The following DACH2 variants were observed in gnomAD, a reference collection of about 807,000 sequenced individuals.
DACH2 encodes the protein dachshund homolog 2.
In DACH2, 17 loss-of-function variants were observed where a neutral mutation model predicts 35.8. The ratio of observed to expected loss-of-function variants is 0.48; its 90% CI spans 0.33 to 0.71. The LOEUF is 0.71. Among genes scored for constraint, DACH2 ranks in the 30% least tolerant of loss-of-function variants. The pLI, the probability that DACH2 is intolerant of heterozygous loss-of-function variation, is 0.02. For missense variants in DACH2, 469 were observed against 472.7 expected, an observed-to-expected ratio of 0.99 and a Z score of 0.07; for synonymous variants, 195 against 177.3, an observed-to-expected ratio of 1.10 and a Z score of -0.79.
intron 3 of DACH2, among the ~76,000 whole-genome samples, chrX:86,572,111 G>A (rs1277821918): frequency 3.6e-5 from 4 of 110,997 alleles, no homozygotes; most frequent in Non-Finnish European, 7.5e-5. Flanking sequence ...GGGGAAGGGG[G>A]AGGGATAGCA....
chrX:86,358,258 A>T (rs2035675079), intron 1 of DACH2, among the ~76,000 whole-genome samples: 1 of 111,826 alleles, frequency 8.9e-6, no homozygotes, highest in Non-Finnish European at 1.9e-5. Context: ...GATAGAAAAA[A>T]ATCAGTTTAG....
chrX:86,330,611 C>T (rs2035195474), intron 1 of DACH2, among the ~76,000 whole-genome samples: 1 of 111,442 alleles, frequency 9.0e-6, no homozygotes, highest in Non-Finnish European at 1.9e-5. Context: ...AACAACACCT[C>T]TAAGTAATTT....
chrX:86,462,423 C>T (rs2037590762), intron 2 of DACH2, among the ~76,000 whole-genome samples: 1 of 111,215 alleles, frequency 9.0e-6, no homozygotes, highest in Non-Finnish European at 1.9e-5. Flanking sequence ...ATTTGAAAAT[C>T]TGTAGGTACT....
intron 1 of DACH2, among the ~76,000 whole-genome samples, chrX:86,276,273 C>G (rs2033915014): frequency 8.9e-6 from 1 of 112,116 alleles, no homozygotes; most frequent in African/African-American, 3.2e-5. Context: ...TTGCATTTGT[C>G]TAATGATCAG....
At chrX:86,407,064 T>A (rs1451846696) in intron 2 of DACH2, among the ~76,000 whole-genome samples, 1 of 111,932 alleles carries the variant, frequency 8.9e-6, no homozygotes, top group Non-Finnish European at 1.9e-5. Context: ...CACAGAGACT[T>A]GAACTAACAT....
chrX:86,736,584 C>A (rs1026865089), intron 6 of DACH2, among the ~76,000 whole-genome samples: 1 of 111,067 alleles, frequency 9.0e-6, no homozygotes, highest in South Asian at 3.7e-4. Context: ...TTTATAGGTG[C>A]TCTTATGATT....
At chrX:86,333,156 G>T (rs945460805) in intron 1 of DACH2, among the ~76,000 whole-genome samples, 1 of 111,845 alleles carries the variant, frequency 8.9e-6, no homozygotes, top group African/African-American at 3.2e-5. Flanking sequence ...ATTTTCTATT[G>T]TTCCTTCTTT....
Position 86,776,498 on chromosome X carries a change from G to A in DACH2, c.1241-36358G>A, listed in dbSNP as rs773512851. Among the ~76,000 whole-genome samples the A allele has an allele frequency of 4.5e-5, 5 of 111,941 alleles. No homozygotes were observed. In the East Asian group the frequency reaches 1.4e-3, roughly 31 times the overall value. The stretch of plus-strand genomic sequence containing the variant: ...GTCAACTGAGAATGGTGTACAAATG[G>A]GAAAGCTCTGGTTTTCCTTGAACAA... On this transcript the variant is annotated intron_variant, in intron 7 of 11. Transcript: ENST00000373125.
At chrX:86,525,374 A>AT (rs1198533293) in intron 3 of DACH2, among the ~76,000 whole-genome samples, 2 of 111,476 alleles carry the variant, frequency 1.8e-5, no homozygotes, top group Non-Finnish European at 3.8e-5. Flanking sequence ...AAACACTTTA[A>AT]TTTTCTTTTT....
intron 4 of DACH2, among the ~76,000 whole-genome samples, chrX:86,673,331 G>A (rs760961299): frequency 1.3e-3 from 49 of 37,542 alleles, no homozygotes; most frequent in African/African-American, 5.5e-3. Flanking sequence ...GCGAGACTCC[G>A]TCTCAAAAAA....
intron 3 of DACH2, among the ~76,000 whole-genome samples, chrX:86,561,919 A>T (rs12558392): frequency 1.0e-5 from 1 of 95,904 alleles, no homozygotes; most frequent in Admixed American, 1.1e-4. Context: ...AAAAAAAAAA[A>T]AGAGAATTCA....
chrX:86,701,173 A>G (rs1195606970), intron 5 of DACH2, among the ~76,000 whole-genome samples: 3 of 111,830 alleles, frequency 2.7e-5, no homozygotes, highest in Non-Finnish European at 5.6e-5. Context: ...ATGATCAAGT[A>G]TGCTTTATCC....
rs935943550 is a variant in DACH2 at position 86,341,592 on chromosome X, T to G, written c.489-35232T>G. ...GAACAATTTCGATGTTCAAGTCTCT[T>G]TTTCTAAGGAATACATTTTGTAAGG... is the stretch of plus-strand genomic sequence containing the variant. On this transcript the variant is annotated intron_variant, in intron 1 of 11. Transcript: ENST00000373125. Among the ~76,000 whole-genome samples, 9 of 112,379 alleles carry G rather than the reference T, an allele frequency of 8.0e-5. 1 individual carries two copies. The East Asian group carries it at 2.2e-3, about 28-fold the overall frequency.
rs774869463 is a variant in DACH2, at chrX:86,155,372, C to CTA, written c.488+6265_488+6266dup. Reference sequence around the variant, plus strand: ...TCATTTTAATATATTTATATTCTTGCTAATTATTTGTAAGTCATAAATTAT... The same window carrying CTA: ...TCATTTTAATATATTTATATTCTTGCTATAATTATTTGTAAGTCATAAATTAT... On this transcript the variant is annotated intron_variant, in intron 1 of 11. Transcript: ENST00000373125. 3.6e-5 allele frequency among the ~76,000 whole-genome samples: 4 copies of CTA among 110,592 alleles called. No homozygotes were observed. The South Asian group carries it at 1.5e-3, about 42-fold the overall frequency.
intron 7 of DACH2, among the ~76,000 whole-genome samples, chrX:86,754,148 G>C (rs992242710): frequency 9.0e-5 from 10 of 111,379 alleles, no homozygotes; most frequent in Non-Finnish European, 1.3e-4. Flanking sequence ...GATTTTTAAA[G>C]TACCAAATAT....
chrX:86,663,294 T>C (rs1397192413), intron 4 of DACH2, among the ~76,000 whole-genome samples: 1 of 111,982 alleles, frequency 8.9e-6, no homozygotes, highest in South Asian at 3.7e-4. Context: ...GAATTAGATA[T>C]AATTAATGAA....
intron 1 of DACH2, among the ~76,000 whole-genome samples, chrX:86,338,445 A>G (rs2035356007): frequency 8.9e-6 from 1 of 111,977 alleles, no homozygotes; most frequent in Non-Finnish European, 1.9e-5. Context: ...AAACTGATTG[A>G]ACAACCTGCT....
At chrX:86,551,887 G>A (rs2039054374) in intron 3 of DACH2, among the ~76,000 whole-genome samples, 1 of 111,642 alleles carries the variant, frequency 9.0e-6, no homozygotes, top group African/African-American at 3.3e-5. Context: ...GTGGTTCTAA[G>A]TGTTTCTTGG....
At chrX:86,533,744 A>G (rs1352024920) in intron 3 of DACH2, among the ~76,000 whole-genome samples, 1 of 111,871 alleles carries the variant, frequency 8.9e-6, no homozygotes, top group Non-Finnish European at 1.9e-5. Flanking sequence ...AAATAAGTTG[A>G]CCAATGATTA....
Sources: gnomAD v4.1 joint callset for allele counts (sites outside exome capture counted in the v4.1 genomes callset) on GRCh38, gnomAD v4.1.1 for gene constraint, MANE v1.5 for transcripts, NCBI Gene and HGNC (gene_info 2026-07-23, HGNC 2026-07-21) for gene names.